Variants in COL17A1 observed in about 807,000 individuals in gnomAD.
COL17A1 encodes the protein collagen alpha-1(XVII) chain.
Under a neutral mutation model 218.4 loss-of-function variants are expected in COL17A1, and 181 were observed. That is an observed-to-expected ratio of 0.83 (90% confidence interval 0.73 to 0.94). The LOEUF (loss-of-function observed/expected upper bound fraction) is 0.94. Ranked by LOEUF, COL17A1 falls within the 40% of genes least tolerant of loss-of-function variation. The pLI, the probability that COL17A1 is intolerant of heterozygous loss-of-function variation, is 0.00. For synonymous variants in COL17A1, 721 were observed against 731.0 expected (o/e 0.99, Z 0.22); for missense variants, 1,924 against 1,945.9 (o/e 0.99, Z 0.21).
chr10:104,048,196 T>C, intron 29 of COL17A1, 92 bp from the exon 30 acceptor site: 3 of 1,416,850 alleles, frequency 2.1e-6, no homozygotes, highest in South Asian at 2.3e-5. Context: ...AAGCACATTG[T>C]GTCCCAGGAG....
chr10:104,039,715 A>G (rs865940209), intron 41 of COL17A1, 75 bp from the exon 42 acceptor site: 1 of 1,600,876 alleles, frequency 6.2e-7, no homozygotes, highest in Middle Eastern at 1.7e-4. Flanking sequence ...AGCCTCCCCA[A>G]GATCCATGAT....
intron 3 of COL17A1, 98 bp downstream of exon 3, chr10:104,078,444 G>A (rs1266217976): frequency 6.7e-6 from 10 of 1,495,668 alleles, no homozygotes; most frequent in African/African-American, 1.4e-5. Flanking sequence ...TGTTAAAAAA[G>A]ATGTCAAAAA....
chr10:104,046,883 G>A, intron 31 of COL17A1, 110 bp from the exon 32 acceptor site: 1 of 984,978 alleles, frequency 1.0e-6, no homozygotes, highest in South Asian at 1.4e-5. Flanking sequence ...GGGTCAGTGG[G>A]TACAGAAGGA....
At chr10:104,033,890 G>T in intron 52 of COL17A1, 55 bp downstream of exon 52, 1 of 1,612,016 alleles carries the variant, frequency 6.2e-7, no homozygotes. Context: ...AGCCAGTCTG[G>T]AGATGCTCCC....
intron 16 of COL17A1, 100 bp from the exon 17 acceptor site, chr10:104,057,272 G>T: frequency 1.3e-6 from 2 of 1,587,548 alleles, no homozygotes; most frequent in South Asian, 1.1e-5. Flanking sequence ...GAGTGACTAC[G>T]ACTGGGGGCT....
In COL17A1 at chr10:104,062,394, G is replaced by A; in HGVS notation, c.839-65C>T. The A allele has an allele frequency of 2.5e-6, 4 of 1,608,350 alleles. No homozygotes were observed. In the South Asian group the frequency reaches 4.4e-5, roughly 18 times the overall value. ...GGGGGATGCCCCCTGGCTTAGGACG[G>A]CCCCCAGAGTCCCAAACCACTTTCA... On this transcript the variant is annotated intron_variant, in intron 11 of 55. Coordinates refer to ENST00000648076, the MANE Select transcript of COL17A1 (RefSeq NM_000494.4).
Position 104,031,905 on chromosome 10 carries a change from A to G in COL17A1, c.*330T>C. On this transcript the variant is annotated 3_prime_UTR_variant, in exon 56 of 56. Coordinates refer to ENST00000648076, the MANE Select transcript of COL17A1 (RefSeq NM_000494.4). ...GTAAAGCTCTAAGACTCCTGAGCCAACTTTTATGTAACTGGCTTTCCTAGG... is the reference window on the plus strand; with the variant it reads ...GTAAAGCTCTAAGACTCCTGAGCCAGCTTTTATGTAACTGGCTTTCCTAGG... 1 of 416,430 alleles carries G rather than the reference A, an allele frequency of 2.4e-6. No individual in the cohort carries two copies. The highest frequency in any genetic ancestry group is 4.4e-6 in the Non-Finnish European group (1 of 224,876). The allele number at this position is 416,430 out of a possible 1,614,324, so 25.8% of individuals were successfully genotyped here. A position where few individuals can be genotyped will look rare whatever the true frequency, so the allele number is the denominator to read the frequency against.
At chr10:104,056,929 G>A (rs1372526800) in intron 17 of COL17A1, 46 bp downstream of exon 17, 19 of 1,550,936 alleles carry the variant, frequency 1.2e-5, no homozygotes, top group Non-Finnish European at 1.6e-5. Flanking sequence ...AGTGGGGCTG[G>A]CCTGCCTCCT....
chr10:104,075,913 G>C (rs1013374737), intron 5 of COL17A1, among the ~76,000 whole-genome samples: 6 of 152,194 alleles, frequency 3.9e-5, no homozygotes, highest in African/African-American at 1.4e-4. Context: ...GATTTCCTCA[G>C]CTTAAAGTGA....
intron 22 of COL17A1, 102 bp from the exon 23 acceptor site, chr10:104,053,237 T>C (rs1219588787): frequency 9.9e-6 from 13 of 1,313,588 alleles, no homozygotes; most frequent in Middle Eastern, 1.9e-4. Context: ...AGCCCTTCCC[T>C]GGCCTCCCTG....
At chr10:104,067,854 A>G (rs2134641046) in intron 9 of COL17A1, among the ~76,000 whole-genome samples, 1 of 152,240 alleles carries the variant, frequency 6.6e-6, no homozygotes, top group East Asian at 1.9e-4. Context: ...AAAAAAAAAG[A>G]AAAAAGAAAA....
chr10:104,042,809 T>C (rs2086373394), intron 35 of COL17A1, among the ~76,000 whole-genome samples: 1 of 152,212 alleles, frequency 6.6e-6, no homozygotes, highest in Non-Finnish European at 1.5e-5. Flanking sequence ...TACATAAAAA[T>C]TTAAAATAAT....
At chr10:104,082,662 T>C (rs892054642) in intron 1 of COL17A1, among the ~76,000 whole-genome samples, 29 of 152,322 alleles carry the variant, frequency 1.9e-4, no homozygotes, top group African/African-American at 6.7e-4. Context: ...CATTTGGGAT[T>C]GGCCGGAAGG....
chr10:104,046,202 T>C (rs372548530), intron 32 of COL17A1, among the ~76,000 whole-genome samples: 88 of 152,370 alleles, frequency 5.8e-4, no homozygotes, highest in African/African-American at 2.1e-3. Flanking sequence ...ATTGGAAGCA[T>C]GTCCCTATGA....
At chr10:104,058,024 C>A in intron 16 of COL17A1, 122 bp downstream of exon 16, 1 of 1,446,624 alleles carries the variant, frequency 6.9e-7, no homozygotes, top group East Asian at 2.4e-5. Flanking sequence ...TAGGGAAACT[C>A]TTTAGAGTCT....
Position 104,040,387 on chromosome 10 carries a change from C to T in COL17A1, c.2725G>A (p.Gly909Ser). The T allele has an allele frequency of 6.2e-7, 1 of 1,611,986 alleles. No homozygotes were observed. The highest frequency in any genetic ancestry group is 8.5e-7 in the Non-Finnish European group (1 of 1,178,058). The change falls in exon 40 of 56, where the codon GGC (glycine) becomes AGC (serine). Residue 909 changes from glycine (G) to serine (S), a missense_variant. Physicochemically the swap from Gly to Ser is moderately conservative, Grantham distance 56. Coordinates refer to ENST00000648076, the MANE Select transcript of COL17A1 (RefSeq NM_000494.4). Reference sequence around the variant, plus strand: ...TTGGGACCTGGGGGGCCAGGTGGGCCTGGGGGGCCGGAGAGGAAGGTTTCT... The same window carrying T: ...TTGGGACCTGGGGGGCCAGGTGGGCTTGGGGGGCCGGAGAGGAAGGTTTCT... ...NSETFLSGPP[G>S]PPGPPGPKGD... is the part of the protein sequence containing the mutation.
chr10:104,083,794 A>C (rs1234975182), intron 1 of COL17A1, among the ~76,000 whole-genome samples: 6 of 152,254 alleles, frequency 3.9e-5, no homozygotes, highest in Non-Finnish European at 8.8e-5. Context: ...GATACAACAA[A>C]GAGAATGAAG....
At chr10:104,066,947 G>A (rs1197849015) in intron 9 of COL17A1, among the ~76,000 whole-genome samples, 2 of 152,114 alleles carry the variant, frequency 1.3e-5, no homozygotes, top group African/African-American at 4.8e-5. Context: ...AAATAAGGCC[G>A]CTCTTGGAAA....
chr10:104,037,913 C>T, intron 45 of COL17A1, 140 bp from the exon 46 acceptor site: 2 of 991,066 alleles, frequency 2.0e-6, no homozygotes, highest in Non-Finnish European at 1.5e-6. Flanking sequence ...GGAGCCTAGA[C>T]TTCCCCTCAC....
Sources: allele counts gnomAD v4.1 joint callset (sites outside exome capture counted in the v4.1 genomes callset), GRCh38; gene constraint gnomAD v4.1.1; transcripts MANE v1.5; gene names NCBI Gene and HGNC (gene_info 2026-07-23, HGNC 2026-07-21).